Variants in ZCCHC14 observed in about 807,000 individuals in gnomAD.
The protein encoded by ZCCHC14 is zinc finger CCHC-type containing 14, also known as zinc finger CCHC domain-containing protein 14.
ZCCHC14 carries 16 observed loss-of-function variants against 85.0 expected under a neutral mutation model. The observed-to-expected ratio is 0.19, with a 90% CI of 0.13 to 0.29. The LOEUF (loss-of-function observed/expected upper bound fraction) is 0.29, where lower values mean the gene tolerates loss of function less well. ZCCHC14 is among the 10% of genes least tolerant of loss of function. ZCCHC14 has a pLI of 1.00. For missense variants in ZCCHC14, 1,303 were observed against 1,443.5 expected (o/e 0.90, Z 1.58); for synonymous variants, 775 against 630.7 (o/e 1.23, Z -3.43).
chr16:87,485,614 G>T (rs892456250), intron 1 of ZCCHC14, among the ~76,000 whole-genome samples: 2 of 141,802 alleles, frequency 1.4e-5, no homozygotes, highest in Non-Finnish European at 1.5e-5. Context: ...AAAAGAAGAA[G>T]AATCTTTTTC....
At position 87,492,369 on chromosome 16, in the gene ZCCHC14, GCGCGGGCGC is replaced by G. The variant is rs1183887058; in HGVS notation, c.-140_-132del. 1.3e-5 allele frequency: 2 copies of G among 154,074 alleles called. 1 individual carries two copies. The highest frequency in any genetic ancestry group is 2.7e-5 in the Non-Finnish European group (2 of 74,018). The allele number at this position is 154,074 out of a possible 1,614,324, so 9.5% of individuals were successfully genotyped here. A position where few individuals can be genotyped will look rare whatever the true frequency, so the allele number is the denominator to read the frequency against. Reference sequence around the variant, plus strand: ...GCCGGGGCCGGGTCCGGGCGAGGGCGCGCGGGCGCCGCGGGCCGGGCGGGCGCCGGGGCG... The same window carrying G: ...GCCGGGGCCGGGTCCGGGCGAGGGCGCGCGGGCCGGGCGGGCGCCGGGGCG... On this transcript the variant is annotated 5_prime_UTR_variant, in exon 1 of 13. Coordinates refer to ENST00000671377, the MANE Select transcript of ZCCHC14 (RefSeq NM_015144.3). The surrounding 1 kb of genome is among the most constrained non-coding windows in gnomAD (Gnocchi z 6.7).
chr16:87,422,910 G>T (rs560316520), intron 4 of ZCCHC14, among the ~76,000 whole-genome samples: 3 of 152,152 alleles, frequency 2.0e-5, no homozygotes, highest in East Asian at 1.9e-4. Flanking sequence ...ATTCCCGGGG[G>T]GGGGTGTGTG....
intron 1 of ZCCHC14, among the ~76,000 whole-genome samples, chr16:87,461,634 C>A (rs1347741210): frequency 1.3e-5 from 2 of 152,238 alleles, no homozygotes; most frequent in Admixed American, 6.5e-5. Flanking sequence ...GATCCCAGCA[C>A]TCGCTCTGCA....
intron 2 of ZCCHC14, among the ~76,000 whole-genome samples, chr16:87,451,992 G>A (rs574156348): frequency 3.3e-5 from 5 of 152,250 alleles, no homozygotes; most frequent in African/African-American, 1.2e-4. Flanking sequence ...CACGGCACGG[G>A]GCTGGGCAAG....
intron 1 of ZCCHC14, among the ~76,000 whole-genome samples, chr16:87,479,180 G>T (rs1412306824): frequency 1.6e-4 from 25 of 152,044 alleles, no homozygotes; most frequent in Admixed American, 1.6e-3. Flanking sequence ...ACCGTGGGAG[G>T]CTGAGGCGGG....
chr16:87,427,383 G>A (rs1909425604), intron 3 of ZCCHC14, among the ~76,000 whole-genome samples: 1 of 152,168 alleles, frequency 6.6e-6, no homozygotes. Context: ...CAGCGTACTC[G>A]GAGCAGTCAG....
chr16:87,410,794 A>G (rs1018823744), intron 12 of ZCCHC14, among the ~76,000 whole-genome samples: 4 of 152,158 alleles, frequency 2.6e-5, no homozygotes, highest in Non-Finnish European at 5.9e-5. Flanking sequence ...GCGTGTTTCT[A>G]AAAACTCTCC....
At chr16:87,469,394 T>G (rs1411630820) in intron 1 of ZCCHC14, among the ~76,000 whole-genome samples, 1 of 152,204 alleles carries the variant, frequency 6.6e-6, no homozygotes, top group Non-Finnish European at 1.5e-5. Context: ...GGGAGCAGAA[T>G]CAAGTGCAGA....
At chr16:87,422,739 G>GAA (rs368531133) in intron 4 of ZCCHC14, among the ~76,000 whole-genome samples, 57 of 144,394 alleles carry the variant, frequency 3.9e-4, no homozygotes, top group African/African-American at 1.3e-3. Context: ...CCATCTCAAA[G>GAA]AAAAAAAAAA....
intron 3 of ZCCHC14, among the ~76,000 whole-genome samples, chr16:87,428,409 G>A (rs1909482082): frequency 1.3e-5 from 2 of 152,312 alleles, no homozygotes; most frequent in South Asian, 4.1e-4. Context: ...GCATTCCTAC[G>A]AATGCTGGCT....
At position 87,419,767 on chromosome 16, in the gene ZCCHC14, T is replaced by C. The variant is rs1233279983; in HGVS notation, c.1045+16A>G. On this transcript the variant is annotated intron_variant, in intron 6 of 12. Transcript: ENST00000671377. ...TTTTTTTTTAATTTATATTTAACCA[T>C]ATTTTACAAACTCACTTGGACTCTG... 1.0e-5 allele frequency: 16 copies of C among 1,551,924 alleles called. No individual in the cohort carries two copies. The highest frequency in any genetic ancestry group is 2.8e-5 in the African/African-American group (2 of 71,662).
Position 87,412,125 on chromosome 16 carries a change from G to T in ZCCHC14, c.2596C>A (p.Pro866Thr), listed in dbSNP as rs759597785. ...GAGGACAGCGCCGGGCTGGAGCTGG[G>T]GGCTGGGCAGCTGGGCAACGTGGCC... ...NMATLPSCPA[P>T]SSSPALSSVP... Residue 866 changes from proline to threonine, a missense_variant, in exon 12 of 13, where the codon CCC becomes ACC. Transcript: ENST00000671377. 6.2e-7 allele frequency: 1 copy of T among 1,613,632 alleles called. No individual in the cohort carries two copies. Among genetic ancestry groups the T allele is most frequent in the Non-Finnish European group, 8.5e-7 (1 of 1,180,046 alleles).
At chr16:87,479,411 C>T (rs1207535863) in intron 1 of ZCCHC14, among the ~76,000 whole-genome samples, 9 of 131,024 alleles carry the variant, frequency 6.9e-5, no homozygotes, top group Admixed American at 6.3e-4. Flanking sequence ...CGCAAGACTA[C>T]GTCTCAAAAA....
chr16:87,491,737 C>A lies in ZCCHC14; in HGVS notation c.502G>T (p.Gly168Trp). 6.4e-7 allele frequency: 1 copy of A among 1,572,998 alleles called. No individual in the cohort carries two copies. Among genetic ancestry groups the A allele is most frequent in the Non-Finnish European group, 8.6e-7 (1 of 1,164,690 alleles). ...GGCGCGCCCTTGCCGCCGTGGCCCC[C>A]GCCGCCGTTCAGGCTGCTCTGGATC... The part of the protein sequence containing the change: ...TQIQSSLNGG[G>W]GHGGKGAPGP... The change falls in exon 1 of 13, where the codon GGG (glycine) becomes TGG (tryptophan). Residue 168 changes from glycine (G) to tryptophan (W), a missense_variant. Physicochemically the swap from Gly to Trp is radical, Grantham distance 184. Transcript: ENST00000671377. The surrounding 1 kb of genome is among the most constrained non-coding windows in gnomAD (Gnocchi z 5.9).
chr16:87,475,449 A>C (rs974478097), intron 1 of ZCCHC14, among the ~76,000 whole-genome samples: 1 of 147,148 alleles, frequency 6.8e-6, no homozygotes, highest in Non-Finnish European at 1.5e-5. Flanking sequence ...GCTACTTGGG[A>C]GGTTGAAACA....
In ZCCHC14 at chr16:87,412,133, C is replaced by G; in HGVS notation, c.2588G>C (p.Cys863Ser). 1 of 1,613,776 alleles carries G rather than the reference C, an allele frequency of 6.2e-7. No individual in the cohort carries two copies. The highest frequency in any genetic ancestry group is 1.1e-5 in the South Asian group (1 of 91,082). The change falls in exon 12 of 13, where the codon TGC becomes TCC. Residue 863 changes from cysteine to serine, a missense_variant. Around this residue, in one of 7 missense-constraint regions of ZCCHC14, gnomAD observed 797 missense variants for 730.8 expected, o/e 1.09. Coordinates refer to ENST00000671377, the MANE Select transcript of ZCCHC14 (RefSeq NM_015144.3). ...CGCCGGGCTGGAGCTGGGGGCTGGG[C>G]AGCTGGGCAACGTGGCCATGTTGGC... Reference protein sequence around the residue: ...SFANMATLPSCPAPSSSPALS... With the variant: ...SFANMATLPSSPAPSSSPALS...
At chr16:87,430,230 C>CGGCGGGAGTCAA (rs1320193237) in intron 3 of ZCCHC14, among the ~76,000 whole-genome samples, 1 of 152,122 alleles carries the variant, frequency 6.6e-6, no homozygotes, top group Non-Finnish European at 1.5e-5. Context: ...GTAAGGGCAG[C>CGGCGGGAGTCAA]GGCGGGAGTC....
Position 87,410,239 on chromosome 16 carries a change from G to A in ZCCHC14, c.*41C>T. 1.4e-6 allele frequency: 1 copy of A among 704,714 alleles called. No homozygotes were observed. 43.7% of individuals were successfully genotyped at this position (704,714 alleles called of 1,614,324 possible). A position where few individuals can be genotyped will look rare whatever the true frequency, so the allele number is the denominator to read the frequency against. ...CAGTTTTGTATTTAATTTTCCTTAT[G>A]TCTCCATGGCTTAATAACGTTCTGT... On this transcript the variant is annotated 3_prime_UTR_variant, in exon 13 of 13. Coordinates refer to ENST00000671377, the MANE Select transcript of ZCCHC14 (RefSeq NM_015144.3).
At chr16:87,411,123 AG>A (rs1908411945) in intron 12 of ZCCHC14, among the ~76,000 whole-genome samples, 1 of 152,232 alleles carries the variant, frequency 6.6e-6, no homozygotes, top group African/African-American at 2.4e-5. Flanking sequence ...AGGGAGGGGC[AG>A]AGGGGACAGC....
Sources: allele counts gnomAD v4.1 joint callset (sites outside exome capture counted in the v4.1 genomes callset), GRCh38; gene constraint gnomAD v4.1.1; regional missense constraint gnomAD v4.1.1; non-coding constraint Gnocchi (gnomAD v3.1); transcripts MANE v1.5; gene names NCBI Gene and HGNC (gene_info 2026-07-23, HGNC 2026-07-21).